SLC25A37: variants seen among roughly 807,000 people sequenced by gnomAD.
SLC25A37 encodes the protein mitoferrin-1.
A neutral mutation model predicts 31.0 loss-of-function variants in SLC25A37; 17 were observed. That is an observed-to-expected ratio of 0.55 (90% CI 0.38 to 0.82). The LOEUF (loss-of-function observed/expected upper bound fraction) is 0.82, where lower values mean the gene tolerates loss of function less well. SLC25A37 is among the 40% of genes least tolerant of loss of function. The pLI is 0.00. For missense variants in SLC25A37, 404 were observed against 465.8 expected, an observed-to-expected ratio of 0.87 and a Z score of 1.22; for synonymous variants, 222 against 193.0, an observed-to-expected ratio of 1.15 and a Z score of -1.24.
intron 1 of SLC25A37, among the ~76,000 whole-genome samples, chr8:23,556,409 A>G (rs1802367042): frequency 6.6e-6 from 1 of 151,828 alleles, no homozygotes; most frequent in Non-Finnish European, 1.5e-5. Context: ...TACTTTCTGA[A>G]GAGATGGGGT....
chr8:23,566,337 G>C lies in SLC25A37; in HGVS notation c.439+1G>C. On this transcript the variant is annotated splice_donor_variant, in intron 2 of 3. Transcript: ENST00000519973. LOFTEE classifies it high-confidence loss of function. ...CAAGGAAACAGCCACCTAGCCAACG[G>C]TATTTTGAAAGCGTTTGTCTGGAGT... 1 of 1,597,024 alleles carries C rather than the reference G, an allele frequency of 6.3e-7. No homozygotes were observed. The highest frequency in any genetic ancestry group is 8.5e-7 in the Non-Finnish European group (1 of 1,174,462).
intron 1 of SLC25A37, among the ~76,000 whole-genome samples, chr8:23,565,054 C>T (rs1802616831): frequency 6.6e-6 from 1 of 152,190 alleles, no homozygotes; most frequent in African/African-American, 2.4e-5. Context: ...GCTGATGTTA[C>T]AGTTTGAGTC....
intron 1 of SLC25A37, among the ~76,000 whole-genome samples, chr8:23,538,915 A>G (rs7834536): frequency 0.23 from 35,620 of 151,806 alleles, 7,239 homozygotes; most frequent in African/African-American, 0.53. Context: ...TTTGCTGGGC[A>G]CTCTGGAATT....
chr8:23,559,374 T>C (rs2018490), intron 1 of SLC25A37, among the ~76,000 whole-genome samples: 81,134 of 151,180 alleles, frequency 0.54, 21,970 homozygotes, highest in Admixed American at 0.54. Flanking sequence ...CGCGCGCGCG[T>C]GTGTGTGTTT....
At chr8:23,539,095 G>A (rs112588421) in intron 1 of SLC25A37, among the ~76,000 whole-genome samples, 213 of 152,328 alleles carry the variant, frequency 1.4e-3, no homozygotes, top group Middle Eastern at 0.014. Flanking sequence ...AGGAAGGGCC[G>A]TTGTCGGGTA....
intron 1 of SLC25A37, among the ~76,000 whole-genome samples, chr8:23,531,011 C>G (rs2117376841): frequency 6.6e-6 from 1 of 152,340 alleles, no homozygotes; most frequent in East Asian, 1.9e-4. Context: ...TAGCAGTTTT[C>G]ACCTGTGGAC....
At chr8:23,540,619 CCTT>C (rs1487727009) in intron 1 of SLC25A37, among the ~76,000 whole-genome samples, 2 of 152,226 alleles carry the variant, frequency 1.3e-5, no homozygotes, top group East Asian at 1.9e-4. Context: ...TGCTGTGACA[CCTT>C]CTCATTTCAG....
At position 23,529,277 on chromosome 8, in the gene SLC25A37, C is replaced by A; in HGVS notation, c.210+65C>A. On this transcript the variant is annotated intron_variant, in intron 1 of 3. Coordinates refer to ENST00000519973, the MANE Select transcript of SLC25A37 (RefSeq NM_016612.4). This position sits in a 1 kb window ranked among gnomAD's most constrained non-coding sequence, Gnocchi z 4.1. ...AAGGAGCGCGCGCGCGCATTTGCAT[C>A]CCGCGCGCCGGCAGCCTCGGGGCAG... The A allele has an allele frequency of 2.0e-6, 3 of 1,478,484 alleles. No individual in the cohort carries two copies. Among genetic ancestry groups the A allele is most frequent in the Non-Finnish European group, 2.7e-6 (3 of 1,099,154 alleles). The allele number at this position is 1,478,484 out of a possible 1,614,324, so 91.6% of individuals were successfully genotyped here.
At chr8:23,557,683 A>G (rs1029074437) in intron 1 of SLC25A37, among the ~76,000 whole-genome samples, 3 of 152,098 alleles carry the variant, frequency 2.0e-5, no homozygotes, top group Non-Finnish European at 4.4e-5. Flanking sequence ...TGGACATGGG[A>G]GAGCTGCTGG....
chr8:23,532,599 A>G (rs2117379564), intron 1 of SLC25A37, among the ~76,000 whole-genome samples: 1 of 152,248 alleles, frequency 6.6e-6, no homozygotes. Flanking sequence ...GAAAGATTTG[A>G]AGCCGGGGGA....
At chr8:23,558,608 C>G (rs961437677) in intron 1 of SLC25A37, among the ~76,000 whole-genome samples, 2 of 152,218 alleles carry the variant, frequency 1.3e-5, no homozygotes, top group African/African-American at 2.4e-5. Context: ...GTGTCAGGGG[C>G]TGACCCTTCA....
intron 1 of SLC25A37, among the ~76,000 whole-genome samples, chr8:23,547,731 G>A (rs1802105727): frequency 6.6e-6 from 1 of 152,226 alleles, no homozygotes; most frequent in African/African-American, 2.4e-5. Flanking sequence ...GCATTCCAAG[G>A]TGTCTGCCTA....
intron 1 of SLC25A37, among the ~76,000 whole-genome samples, chr8:23,550,931 C>T (rs997277866): frequency 5.3e-5 from 8 of 152,218 alleles, no homozygotes; most frequent in African/African-American, 1.9e-4. Flanking sequence ...CTTGGGCGGC[C>T]TCTGGCTGTT....
intron 1 of SLC25A37, among the ~76,000 whole-genome samples, chr8:23,537,254 A>ATT (rs1271903737): frequency 6.6e-6 from 1 of 151,058 alleles, no homozygotes; most frequent in African/African-American, 2.4e-5. Context: ...CCTATTGCCC[A>ATT]TTGCTGCTTT....
intron 1 of SLC25A37, among the ~76,000 whole-genome samples, chr8:23,552,122 C>G: frequency 6.6e-6 from 1 of 152,230 alleles, no homozygotes; most frequent in East Asian, 1.9e-4. Context: ...CACCTTCTAG[C>G]AAGATTAAGC....
At chr8:23,567,967 G>A (rs531757549) in intron 2 of SLC25A37, 61 of 355,306 alleles carry the variant, frequency 1.7e-4, no homozygotes, top group African/African-American at 1.2e-3. Flanking sequence ...TGTAGACAAA[G>A]GCGAGGGACA....
chr8:23,530,639 G>T (rs1263542739), intron 1 of SLC25A37, among the ~76,000 whole-genome samples: 1 of 152,188 alleles, frequency 6.6e-6, no homozygotes, highest in Non-Finnish European at 1.5e-5. Context: ...ATTTGTATGG[G>T]AAAGAATCCC....
At chr8:23,547,909 C>G (rs898153840) in intron 1 of SLC25A37, among the ~76,000 whole-genome samples, 2 of 152,188 alleles carry the variant, frequency 1.3e-5, no homozygotes, top group Non-Finnish European at 2.9e-5. Flanking sequence ...GTTTACAGCT[C>G]TCTGACTCCT....
At chr8:23,532,984 G>A (rs1350036187) in intron 1 of SLC25A37, among the ~76,000 whole-genome samples, 1 of 152,104 alleles carries the variant, frequency 6.6e-6, no homozygotes, top group East Asian at 1.9e-4. Context: ...CTAGTTCCTG[G>A]GACAAAACTA....
Sources: gnomAD v4.1 joint callset for allele counts (sites outside exome capture counted in the v4.1 genomes callset) on GRCh38, gnomAD v4.1.1 for gene constraint, Gnocchi (gnomAD v3.1) non-coding constraint, MANE v1.5 for transcripts, NCBI Gene and HGNC (gene_info 2026-07-23, HGNC 2026-07-21) for gene names.